Variants in SORBS2 observed in about 807,000 individuals in gnomAD.
SORBS2 encodes the protein sorbin and SH3 domain-containing protein 2.
In SORBS2, 46 loss-of-function variants were observed where a neutral mutation model predicts 97.7. The observed-to-expected ratio is 0.47, with a 90% CI of 0.37 to 0.60. SORBS2 has a LOEUF of 0.60. Among genes scored for constraint, SORBS2 ranks in the 20% least tolerant of loss-of-function variants. The pLI is 0.00. For synonymous variants in SORBS2, 476 were observed against 473.4 expected (o/e 1.01, Z -0.07); for missense variants, 1,316 against 1,282.3 (o/e 1.03, Z -0.40).
intron 1 of SORBS2, among the ~76,000 whole-genome samples, chr4:185,929,614 G>C (rs62336484): frequency 0.28 from 41,641 of 150,426 alleles, 6,039 homozygotes; most frequent in South Asian, 0.33. Flanking sequence ...TGACTCACTG[G>C]AACCTCCGCC....
At chr4:185,632,568 A>G (rs1292866045) in intron 4 of SORBS2, among the ~76,000 whole-genome samples, 1 of 152,240 alleles carries the variant, frequency 6.6e-6, no homozygotes, top group Non-Finnish European at 1.5e-5. Flanking sequence ...ACTCGTTTGC[A>G]GAAGAGCGAC....
chr4:185,819,651 G>A (rs1385443054), intron 1 of SORBS2, among the ~76,000 whole-genome samples: 1 of 152,144 alleles, frequency 6.6e-6, no homozygotes, highest in African/African-American at 2.4e-5. Context: ...CATTGTCAGT[G>A]AGCCTTTATT....
chr4:185,608,142 G>T (rs2096465573), intron 12 of SORBS2, among the ~76,000 whole-genome samples: 1 of 152,186 alleles, frequency 6.6e-6, no homozygotes, highest in Non-Finnish European at 1.5e-5. Flanking sequence ...CTGAATGTGT[G>T]TAGTGTTCTC....
upstream of SORBS2, among the ~76,000 whole-genome samples, chr4:185,661,729 T>C (rs1184158808): frequency 1.3e-5 from 2 of 152,192 alleles, no homozygotes; most frequent in Non-Finnish European, 2.9e-5. Flanking sequence ...TTCTCCCTTA[T>C]ATAGACCCCA....
intron 2 of SORBS2, 100 bp downstream of exon 10, chr4:185,652,561 CT>C: frequency 1.1e-6 from 1 of 902,094 alleles, no homozygotes; most frequent in Admixed American, 1.8e-5. Flanking sequence ...ACGGAGTTTG[CT>C]GGGGTCTTGA....
chr4:185,740,640 C>T (rs982975514), intron 2 of SORBS2, among the ~76,000 whole-genome samples: 5 of 152,098 alleles, frequency 3.3e-5, no homozygotes, highest in African/African-American at 4.8e-5. Flanking sequence ...CCAACATTAA[C>T]TCAGCCCAAT....
intron 10 of SORBS2, 34 bp from the exon 23 acceptor site, chr4:185,614,993 G>C (rs557654335): frequency 6.2e-7 from 1 of 1,614,102 alleles, no homozygotes; most frequent in South Asian, 1.1e-5. Context: ...TCTCAAATCT[G>C]CGGTGACCTT....
At chr4:185,805,047 T>C (rs1390011770) in intron 1 of SORBS2, among the ~76,000 whole-genome samples, 1 of 152,122 alleles carries the variant, frequency 6.6e-6, no homozygotes, top group African/African-American at 2.4e-5. Flanking sequence ...TTTAGGTTGA[T>C]TATATTTCTT....
intron 1 of SORBS2, among the ~76,000 whole-genome samples, chr4:185,894,039 C>A (rs1029141124): frequency 1.3e-5 from 2 of 152,162 alleles, no homozygotes; most frequent in African/African-American, 4.8e-5. Context: ...ATCTGCCTCA[C>A]AAAGGACAGC....
At chr4:185,718,603 G>T (rs540622868) in intron 2 of SORBS2, among the ~76,000 whole-genome samples, 1 of 152,304 alleles carries the variant, frequency 6.6e-6, no homozygotes, top group South Asian at 2.1e-4. Flanking sequence ...CCTAGGGCTG[G>T]ATACTGATTG....
intron 2 of SORBS2, among the ~76,000 whole-genome samples, chr4:185,744,827 T>C (rs543010259): frequency 6.6e-6 from 1 of 152,368 alleles, no homozygotes; most frequent in Non-Finnish European, 1.5e-5. Context: ...CCATTCAGAC[T>C]TCCCTGAAAT....
chr4:185,817,715 T>C (rs1415655231), intron 1 of SORBS2, among the ~76,000 whole-genome samples: 1 of 152,204 alleles, frequency 6.6e-6, no homozygotes, highest in Admixed American at 6.5e-5. Flanking sequence ...AACAAATGCT[T>C]CTGGTTTCAC....
chr4:185,769,036 G>A (rs1000512117), intron 2 of SORBS2, among the ~76,000 whole-genome samples: 1 of 152,052 alleles, frequency 6.6e-6, no homozygotes, highest in Admixed American at 6.5e-5. Context: ...TTTAGGACTA[G>A]GACATGAAAT....
At chr4:185,593,115 G>C (rs770442157) in intron 13 of SORBS2, 103 of 152,462 alleles carry the variant, frequency 6.8e-4, no homozygotes, top group Non-Finnish European at 6.9e-4. Flanking sequence ...AGGATCCCCA[G>C]TGTGTGCTCA....
At chr4:185,595,634 C>CT (rs1205015823) in intron 12 of SORBS2, among the ~76,000 whole-genome samples, 1 of 151,954 alleles carries the variant, frequency 6.6e-6, no homozygotes, top group Non-Finnish European at 1.5e-5. Context: ...ACTTTCCAGT[C>CT]TTTTTTTCTC....
intron 1 of SORBS2, among the ~76,000 whole-genome samples, chr4:185,824,603 C>T (rs949697464): frequency 2.6e-5 from 4 of 152,162 alleles, no homozygotes; most frequent in Non-Finnish European, 2.9e-5. Flanking sequence ...TCAGGGACAA[C>T]TCAACTGAAC....
intron 1 of SORBS2, among the ~76,000 whole-genome samples, chr4:185,871,774 A>C (rs1288162851): frequency 6.6e-6 from 1 of 152,078 alleles, no homozygotes; most frequent in African/African-American, 2.4e-5. Flanking sequence ...CCTGTTCCCT[A>C]ATGTGCAGCC....
At chr4:185,947,578 C>T (rs2099275121) in intron 1 of SORBS2, among the ~76,000 whole-genome samples, 1 of 151,538 alleles carries the variant, frequency 6.6e-6, no homozygotes, top group African/African-American at 2.4e-5. Flanking sequence ...ATCTCACCTA[C>T]ACAATAGGGA....
chr4:185,858,562 T>C (rs2099221961), intron 1 of SORBS2, among the ~76,000 whole-genome samples: 1 of 152,204 alleles, frequency 6.6e-6, no homozygotes, highest in Non-Finnish European at 1.5e-5. Flanking sequence ...CCACATTTCC[T>C]TTCCACCAGG....
Sources: gnomAD v4.1 joint callset for allele counts (sites outside exome capture counted in the v4.1 genomes callset) on GRCh38, gnomAD v4.1.1 for gene constraint, MANE v1.5 for transcripts, NCBI Gene and HGNC (gene_info 2026-07-23, HGNC 2026-07-21) for gene names.